The following IFT140 variants were observed in gnomAD, a reference collection of about 807,000 sequenced individuals.
IFT140 encodes intraflagellar transport 140.
IFT140 carries 133 observed loss-of-function variants against 164.6 expected under a neutral mutation model. The ratio of observed to expected loss-of-function variants is 0.81; its 90% CI spans 0.70 to 0.93. The LOEUF is 0.93. IFT140 is among the 40% of genes least tolerant of loss of function. The probability of loss-of-function intolerance (pLI) is 0.00; values close to 1 mark genes in which losing one functional copy is unlikely to be tolerated. For synonymous variants in IFT140, 860 were observed against 817.3 expected, an observed-to-expected ratio of 1.05 and a Z score of -0.89; for missense variants, 2,045 against 1,972.3, an observed-to-expected ratio of 1.04 and a Z score of -0.70.
chr16:1,589,976 C>A (rs1157401177), intron 6 of IFT140, among the ~76,000 whole-genome samples, 196 bp from the exon 7 acceptor site: 1 of 152,162 alleles, frequency 6.6e-6, no homozygotes, highest in African/African-American at 2.4e-5. Flanking sequence ...GCTGGTAGAT[C>A]ACCTGGGGTC....
Position 1,584,436 on chromosome 16 carries a change from G to A in IFT140, c.1156-16C>T. Reference sequence around the variant, plus strand: ...TGGAACCCCACTTCATTTCCAGGTTGCAAGAGAAAGAACCAGATGTGTGAA... The same window carrying A: ...TGGAACCCCACTTCATTTCCAGGTTACAAGAGAAAGAACCAGATGTGTGAA... On this transcript the variant is annotated splice_polypyrimidine_tract_variant and intron_variant, in intron 10 of 30. Coordinates refer to ENST00000426508, the MANE Select transcript of IFT140 (RefSeq NM_014714.4). 6.3e-7 allele frequency: 1 copy of A among 1,583,812 alleles called. No individual in the cohort carries two copies. The highest frequency in any genetic ancestry group is 2.3e-5 in the East Asian group (1 of 43,832).
At chr16:1,571,171 C>T (rs1412143684) in intron 14 of IFT140, among the ~76,000 whole-genome samples, 1 of 152,176 alleles carries the variant, frequency 6.6e-6, no homozygotes, top group Non-Finnish European at 1.5e-5. Context: ...GCTTCCCCAC[C>T]CTCACCACTC....
At chr16:1,594,226 G>GTTT (rs57833692) in intron 4 of IFT140, among the ~76,000 whole-genome samples, 1 of 144,462 alleles carries the variant, frequency 6.9e-6, no homozygotes. Context: ...AAAGTTTTTT[G>GTTT]TTTTTTTTTT....
intron 18 of IFT140, among the ~76,000 whole-genome samples, chr16:1,561,438 G>T (rs1444847413): frequency 1.3e-5 from 2 of 152,326 alleles, no homozygotes; most frequent in African/African-American, 4.8e-5. Flanking sequence ...GTCCATGCAT[G>T]AGTCACACAC....
Position 1,584,304 on chromosome 16 carries a change from C to T in IFT140, c.1272G>A (p.Pro424=), listed in dbSNP as rs370562505. Residue 424 remains proline (P), a synonymous_variant, in exon 11 of 31, where the codon CCG becomes CCA. Transcript: ENST00000426508. Reference sequence around the variant, plus strand: ...ACAGGAAGCACACATTCAGCAGACTCGGGGAGACCTGCATGGCGGCCACTT... The same window carrying T: ...ACAGGAAGCACACATTCAGCAGACTTGGGGAGACCTGCATGGCGGCCACTT... ...HQQVAAMQVS[P]SLLNVCFLST... The T allele has an allele frequency of 3.8e-5, 62 of 1,613,774 alleles. No homozygotes were observed. In the African/African-American group the frequency reaches 4.7e-4, roughly 12 times the overall value.
In IFT140 at chr16:1,553,688, T is replaced by C. The variant is rs985425285; in HGVS notation, c.2399+4247A>G. 2.0e-5 allele frequency: 21 copies of C among 1,066,334 alleles called. No individual in the cohort carries two copies. The African/African-American group carries it at 3.1e-4, about 16-fold the overall frequency. 66.1% of individuals were successfully genotyped at this position (1,066,334 alleles called of 1,614,324 possible). On this transcript the variant is annotated intron_variant, in intron 19 of 30. Transcript: ENST00000426508. The surrounding 1 kb of genome is among the most constrained non-coding windows in gnomAD (Gnocchi z 4.4). ...CAGAAGCGGGGCTGGGGCTGAAGGCTGGCTGGAGGCCCCATGGCCTCCAGG... is the reference window on the plus strand; with the variant it reads ...CAGAAGCGGGGCTGGGGCTGAAGGCCGGCTGGAGGCCCCATGGCCTCCAGG...
At chr16:1,561,448 C>T (rs953109518) in intron 18 of IFT140, among the ~76,000 whole-genome samples, 12 of 152,208 alleles carry the variant, frequency 7.9e-5, no homozygotes, top group Non-Finnish European at 1.3e-4. Flanking sequence ...GAGTCACACA[C>T]GGACGGGTGT....
At chr16:1,591,084 G>A (rs1265773394) in intron 6 of IFT140, among the ~76,000 whole-genome samples, 3 of 152,160 alleles carry the variant, frequency 2.0e-5, no homozygotes, top group Admixed American at 1.3e-4. Context: ...ACATAAGGAC[G>A]TGAGGCACAG....
Position 1,584,303 on chromosome 16 carries a change from T to G in IFT140, c.1273A>C (p.Ser425Arg). Residue 425 changes from serine (S) to arginine (R), a missense_variant, in exon 11 of 31, where the codon AGT becomes CGT. By Grantham distance (110) the Ser-to-Arg change is moderately radical. Transcript: ENST00000426508. ...GACAGGAAGCACACATTCAGCAGAC[T>G]CGGGGAGACCTGCATGGCGGCCACT... ...QQVAAMQVSPSLLNVCFLSTG... is the reference protein window; with the variant it reads ...QQVAAMQVSPRLLNVCFLSTG... 4 of 1,613,786 alleles carry G rather than the reference T, an allele frequency of 2.5e-6. No homozygotes were observed. Among genetic ancestry groups the G allele is most frequent in the Non-Finnish European group, 3.4e-6 (4 of 1,179,992 alleles).
chr16:1,584,623 T>C (rs1229669389), intron 10 of IFT140, among the ~76,000 whole-genome samples: 2 of 152,198 alleles, frequency 1.3e-5, no homozygotes, highest in African/African-American at 4.8e-5. Flanking sequence ...GACTTCAAGA[T>C]ACTGATGCTC....
rs1349796520 is a variant in IFT140 at position 1,568,838 on chromosome 16, G to A, written c.1653-504C>T. On this transcript the variant is annotated intron_variant, in intron 14 of 30. Transcript: ENST00000426508. ...TTTGTGCCTTATGCTCTGTTTCCGC[G>A]ATTTTTCGTAGCACGTGGGGACTGC... Among the ~76,000 whole-genome samples the A allele has an allele frequency of 4.6e-5, 7 of 152,192 alleles. No individual in the cohort carries two copies. The South Asian group carries it at 1.0e-3, about 23-fold the overall frequency.
chr16:1,560,665 T>A (rs2033355442), intron 18 of IFT140, among the ~76,000 whole-genome samples: 1 of 152,186 alleles, frequency 6.6e-6, no homozygotes, highest in African/African-American at 2.4e-5. Context: ...TCTCGGAATG[T>A]CCCTCTGGGG....
intron 19 of IFT140, chr16:1,552,806 CCTCA>C (rs2032769903): frequency 5.1e-6 from 1 of 197,966 alleles, no homozygotes; most frequent in South Asian, 1.8e-4. Context: ...TGCCACCACA[CCTCA>C]CTAATTTTTT....
At chr16:1,574,477 C>T (rs1258796377) in intron 13 of IFT140, among the ~76,000 whole-genome samples, 1 of 152,130 alleles carries the variant, frequency 6.6e-6, no homozygotes, top group Non-Finnish European at 1.5e-5. Flanking sequence ...GACGAGGTCT[C>T]ACTATGTTGC....
At chr16:1,517,682 T>C (rs2040404901) in intron 30 of IFT140, among the ~76,000 whole-genome samples, 1 of 152,216 alleles carries the variant, frequency 6.6e-6, no homozygotes, top group Non-Finnish European at 1.5e-5. Flanking sequence ...AACACCATTT[T>C]CTTTTTTTGT....
At chr16:1,521,799 T>A (rs1241472174) in intron 26 of IFT140, among the ~76,000 whole-genome samples, 1 of 150,090 alleles carries the variant, frequency 6.7e-6, no homozygotes, top group Non-Finnish European at 1.5e-5. Context: ...GGTGAGAGGA[T>A]CACTTGGGCC....
At chr16:1,524,315 G>T in intron 24 of IFT140, 1 of 633,314 alleles carries the variant, frequency 1.6e-6, no homozygotes, top group Non-Finnish European at 2.7e-6. Context: ...CCACTCAGGA[G>T]CCCTGGAGCC....
At chr16:1,585,587 G>T (rs1476038019) in intron 10 of IFT140, among the ~76,000 whole-genome samples, 1 of 152,140 alleles carries the variant, frequency 6.6e-6, no homozygotes, top group Non-Finnish European at 1.5e-5. Flanking sequence ...GAGAGATGGA[G>T]AGGGAGGGAT....
intron 19 of IFT140, chr16:1,542,208 A>ATG: frequency 9.7e-7 from 1 of 1,028,118 alleles, no homozygotes; most frequent in Non-Finnish European, 1.3e-6. Flanking sequence ...GCCACAGGCC[A>ATG]CTGAGAAGCC....
Sources: allele counts gnomAD v4.1 joint callset (sites outside exome capture counted in the v4.1 genomes callset), GRCh38; gene constraint gnomAD v4.1.1; non-coding constraint Gnocchi (gnomAD v3.1); transcripts MANE v1.5; gene names NCBI Gene and HGNC (gene_info 2026-07-23, HGNC 2026-07-21).